Variants in ZMYM2 observed in about 807,000 individuals in gnomAD.
ZMYM2 encodes zinc finger MYM-type protein 2.
Under a neutral mutation model 162.8 loss-of-function variants are expected in ZMYM2, and 56 were observed. The observed-to-expected ratio is 0.34, with a 90% confidence interval of 0.28 to 0.43. The LOEUF is 0.43. Ranked by LOEUF, ZMYM2 falls within the 20% of genes least tolerant of loss-of-function variation. The probability of loss-of-function intolerance (pLI) is 1.00; values close to 1 mark genes in which losing one functional copy is unlikely to be tolerated. For synonymous variants in ZMYM2, 510 were observed against 541.6 expected, an observed-to-expected ratio of 0.94 and a Z score of 0.81; for missense variants, 1,275 against 1,621.8, an observed-to-expected ratio of 0.79 and a Z score of 3.67.
chr13:20,029,997 A>T lies in ZMYM2; in HGVS notation c.1852-1322A>T, dbSNP rs560215840. ...TTTAGTAGAGACGGACTTTCGCCAC[A>T]TTGGCCAGGCTGGTCTCGAACTCCT... On this transcript the variant is annotated intron_variant, in intron 9 of 24. Transcript: ENST00000610343. Among the ~76,000 whole-genome samples the T allele has an allele frequency of 6.6e-5, 10 of 151,692 alleles. No homozygotes were observed. The South Asian group carries it at 1.9e-3, about 29-fold the overall frequency.
At chr13:19,897,513 G>A in the ZMYM2 span, among the ~76,000 whole-genome samples, 3 of 151,820 alleles carry the variant, frequency 2.0e-5, no homozygotes, top group African/African-American at 4.8e-5. Flanking sequence ...GTGGGCAGGC[G>A]CCGTGGCCTA....
At chr13:20,030,642 C>A (rs1209437823) in intron 9 of ZMYM2, among the ~76,000 whole-genome samples, 3 of 152,166 alleles carry the variant, frequency 2.0e-5, no homozygotes, top group East Asian at 3.9e-4. Context: ...TCGTGATCCG[C>A]CCGCCTTGGC....
chr13:20,074,488 A>G (rs1957340796), intron 21 of ZMYM2, among the ~76,000 whole-genome samples: 1 of 150,934 alleles, frequency 6.6e-6, no homozygotes, highest in Non-Finnish European at 1.5e-5. Flanking sequence ...CACCTTCCTC[A>G]GCCTCCCAAA....
At chr13:19,902,920 G>T in the ZMYM2 span, among the ~76,000 whole-genome samples, 2 of 152,102 alleles carry the variant, frequency 1.3e-5, no homozygotes, top group Non-Finnish European at 2.9e-5. Context: ...ACTTTGGGAG[G>T]CTGAGGTGGG....
In ZMYM2 at chr13:19,965,771, C is replaced by CTTTTTT. The variant is rs35914050; in HGVS notation, c.-11+5760_-11+5765dup. Among the ~76,000 whole-genome samples the CTTTTTT allele has an allele frequency of 2.7e-4, 28 of 104,880 alleles. 1 individual carries two copies. The highest frequency in any genetic ancestry group is 3.0e-4 in the Non-Finnish European group (16 of 52,462). 68.8% of individuals were successfully genotyped at this position (104,880 alleles called of 152,430 possible). On this transcript the variant is annotated intron_variant, in intron 2 of 24. Transcript: ENST00000610343. ...CTGGCCCTGATATGGTATCTGAATT[C>CTTTTTT]TTTTTTTTTTTTTTTTTTTTGAGAC...
intron 24 of ZMYM2, among the ~76,000 whole-genome samples, chr13:20,085,365 C>CT (rs1197882509): frequency 5.3e-5 from 8 of 152,312 alleles, no homozygotes; most frequent in African/African-American, 1.9e-4. Flanking sequence ...AAATTCCTAT[C>CT]TCACTATTAC....
the ZMYM2 span, among the ~76,000 whole-genome samples, chr13:19,949,948 G>A: frequency 6.7e-6 from 1 of 149,128 alleles, no homozygotes; most frequent in Non-Finnish European, 1.5e-5. Context: ...AAAGAAGGAA[G>A]AAAGGAAGGA....
chr13:19,979,189 T>C (rs1039275667), intron 2 of ZMYM2, among the ~76,000 whole-genome samples: 1 of 152,220 alleles, frequency 6.6e-6, no homozygotes, highest in African/African-American at 2.4e-5. Flanking sequence ...CTTTCAAAAT[T>C]TCTGCTCTCT....
chr13:19,881,621 CAAT>C, the ZMYM2 span, among the ~76,000 whole-genome samples: 4 of 150,424 alleles, frequency 2.7e-5, no homozygotes, highest in African/African-American at 9.8e-5. Flanking sequence ...GACTCAGTCT[CAAT>C]AAAAAATAAA....
the ZMYM2 span, among the ~76,000 whole-genome samples, chr13:19,883,472 A>T: frequency 2.0e-5 from 3 of 152,144 alleles, no homozygotes; most frequent in Non-Finnish European, 4.4e-5. Context: ...TCTGACAGAG[A>T]ATTAGACAAC....
Position 20,088,377 on chromosome 13 carries a change from C to T in ZMYM2, c.*2363C>T. 4.9e-6 allele frequency: 1 copy of T among 203,576 alleles called. No homozygotes were observed. Among genetic ancestry groups the T allele is most frequent in the South Asian group, 1.9e-4 (1 of 5,254 alleles). The allele number at this position is 203,576 out of a possible 1,614,324, so 12.6% of individuals were successfully genotyped here. On this transcript the variant is annotated 3_prime_UTR_variant, in exon 25 of 25. Coordinates refer to ENST00000610343, the MANE Select transcript of ZMYM2 (RefSeq NM_197968.4). ...CAATTTCCTTTTGCTTCTAGGTGAT[C>T]TCTGATTATAGATAGCATCCTGTAA...
At chr13:20,074,184 A>G (rs1447150962) in intron 21 of ZMYM2, among the ~76,000 whole-genome samples, 2 of 147,680 alleles carry the variant, frequency 1.4e-5, no homozygotes, top group Non-Finnish European at 3.0e-5. Context: ...GTTGTGTAGC[A>G]TATGTCAGAA....
At chr13:19,922,554 C>T in the ZMYM2 span, among the ~76,000 whole-genome samples, 1 of 152,172 alleles carries the variant, frequency 6.6e-6, no homozygotes, top group East Asian at 1.9e-4. Flanking sequence ...ATATGAAAAG[C>T]CAGTGGTTGG....
chr13:19,865,639 A>G, the ZMYM2 span, among the ~76,000 whole-genome samples: 1 of 152,232 alleles, frequency 6.6e-6, no homozygotes, highest in Non-Finnish European at 1.5e-5. Flanking sequence ...GCCACTTGTC[A>G]TCTATTTTCT....
At chr13:20,051,378 C>T (rs751817943) in intron 12 of ZMYM2, 55 bp from the exon 13 acceptor site, 515 of 1,569,644 alleles carry the variant, frequency 3.3e-4, no homozygotes, top group Non-Finnish European at 4.3e-4. Flanking sequence ...TGATAAACTT[C>T]TGGAAATCTT....
intron 4 of ZMYM2, among the ~76,000 whole-genome samples, chr13:20,003,893 C>T (rs1341188471): frequency 6.6e-6 from 1 of 152,188 alleles, no homozygotes; most frequent in Non-Finnish European, 1.5e-5. Flanking sequence ...AGGTGATCTG[C>T]CCACCTCAGC....
intron 7 of ZMYM2, among the ~76,000 whole-genome samples, chr13:20,023,972 T>G (rs1465254951): frequency 6.6e-6 from 1 of 151,846 alleles, no homozygotes; most frequent in Non-Finnish European, 1.5e-5. Flanking sequence ...TCTCACTCTG[T>G]TGCCCAGGCT....
At chr13:20,020,524 C>T (rs1951993193) in intron 7 of ZMYM2, among the ~76,000 whole-genome samples, 3 of 152,116 alleles carry the variant, frequency 2.0e-5, no homozygotes, top group South Asian at 2.1e-4. Context: ...GCGCCCGGCC[C>T]ATTATTTCTT....
intron 19 of ZMYM2, among the ~76,000 whole-genome samples, chr13:20,066,107 T>C (rs1956653250): frequency 6.6e-6 from 1 of 152,264 alleles, no homozygotes; most frequent in Non-Finnish European, 1.5e-5. Context: ...TAATTGACTG[T>C]TGTCAGATTC....
Sources: allele counts gnomAD v4.1 joint callset (sites outside exome capture counted in the v4.1 genomes callset), GRCh38; gene constraint gnomAD v4.1.1; transcripts MANE v1.5; gene names NCBI Gene and HGNC (gene_info 2026-07-23, HGNC 2026-07-21).